The following NPAS3 variants were observed in gnomAD, a reference collection of about 807,000 sequenced individuals.
The protein encoded by NPAS3 is neuronal PAS domain-containing protein 3.
Under a neutral mutation model 73.1 loss-of-function variants are expected in NPAS3, and 14 were observed. That is an observed-to-expected ratio of 0.19 (90% CI 0.13 to 0.30). The LOEUF (loss-of-function observed/expected upper bound fraction) is 0.30, where lower values mean the gene tolerates loss of function less well. NPAS3 is among the 10% of genes least tolerant of loss of function. The pLI, the probability that NPAS3 is intolerant of heterozygous loss-of-function variation, is 1.00. For missense variants in NPAS3, 1,096 were observed against 1,250.0 expected, an observed-to-expected ratio of 0.88 and a Z score of 1.86; for synonymous variants, 620 against 541.5, an observed-to-expected ratio of 1.14 and a Z score of -2.01.
intron 3 of NPAS3, among the ~76,000 whole-genome samples, chr14:33,289,442 A>G (rs373386561): frequency 6.6e-5 from 10 of 152,154 alleles, no homozygotes; most frequent in African/African-American, 2.4e-4. Flanking sequence ...TGGCTTTAGT[A>G]ATCTATCCTT....
At chr14:33,024,323 C>G (rs1349014843) in intron 1 of NPAS3, among the ~76,000 whole-genome samples, 1 of 151,978 alleles carries the variant, frequency 6.6e-6, no homozygotes, top group African/African-American at 2.4e-5. Context: ...AGGCGCCCAC[C>G]ACCACACCCG....
chr14:33,113,150 G>T (rs1190005990), intron 2 of NPAS3, among the ~76,000 whole-genome samples: 11 of 152,080 alleles, frequency 7.2e-5, no homozygotes, highest in African/African-American at 2.7e-4. Flanking sequence ...GGCAATGCAG[G>T]CTCTTTTTTG....
intron 2 of NPAS3, among the ~76,000 whole-genome samples, chr14:33,107,281 A>C (rs545863605): frequency 6.6e-6 from 1 of 152,232 alleles, no homozygotes; most frequent in East Asian, 1.9e-4. Context: ...CAGGGAGTAC[A>C]TGTGCAAGTT....
At chr14:33,199,246 G>A (rs571839814) in intron 2 of NPAS3, among the ~76,000 whole-genome samples, 2 of 152,340 alleles carry the variant, frequency 1.3e-5, no homozygotes, top group African/African-American at 2.4e-5. Flanking sequence ...CGCCCAGGCC[G>A]AGGAGGCACT....
At chr14:33,290,668 A>T (rs2042062957) in intron 3 of NPAS3, among the ~76,000 whole-genome samples, 1 of 152,212 alleles carries the variant, frequency 6.6e-6, no homozygotes, top group Non-Finnish European at 1.5e-5. Flanking sequence ...TACCGTGCAC[A>T]CTAAAAAAGA....
chr14:33,172,212 G>T (rs1566637120), intron 2 of NPAS3, among the ~76,000 whole-genome samples: 1 of 152,196 alleles, frequency 6.6e-6, no homozygotes, highest in Non-Finnish European at 1.5e-5. Flanking sequence ...CTGTTGGAAA[G>T]ATGGCACCGA....
chr14:32,975,691 G>A (rs1321878067), intron 1 of NPAS3, among the ~76,000 whole-genome samples: 1 of 152,006 alleles, frequency 6.6e-6, no homozygotes, highest in Non-Finnish European at 1.5e-5. Context: ...TTTAGTAGAG[G>A]AATATGAAGT....
rs369250073 is a variant in NPAS3 at position 33,670,009 on chromosome 14, A to C, written c.559-6202A>C. Among the ~76,000 whole-genome samples, 5 of 152,144 alleles carry C rather than the reference A, an allele frequency of 3.3e-5. No individual in the cohort carries two copies. The East Asian group carries it at 9.7e-4, about 29-fold the overall frequency. ...CAGCTCACTGCAACCTCGGCCTCCCAGGCTCCAGCGATTCTCCTGCCTCAG... is the reference window on the plus strand; with the variant it reads ...CAGCTCACTGCAACCTCGGCCTCCCCGGCTCCAGCGATTCTCCTGCCTCAG... On this transcript the variant is annotated intron_variant, in intron 5 of 11. Transcript: ENST00000356141.
At chr14:33,450,714 A>C (rs1159144973) in intron 4 of NPAS3, among the ~76,000 whole-genome samples, 1 of 152,112 alleles carries the variant, frequency 6.6e-6, no homozygotes, top group Non-Finnish European at 1.5e-5. Context: ...AATCTGTGTG[A>C]ATTGGAGAGA....
intron 3 of NPAS3, among the ~76,000 whole-genome samples, chr14:33,310,860 G>C (rs1049579541): frequency 1.3e-5 from 2 of 150,578 alleles, no homozygotes; most frequent in East Asian, 3.9e-4. Flanking sequence ...AACAACCTTA[G>C]TATTAAGACT....
At chr14:33,765,261 A>G (rs546022556) in intron 7 of NPAS3, among the ~76,000 whole-genome samples, 5 of 151,846 alleles carry the variant, frequency 3.3e-5, no homozygotes, top group Non-Finnish European at 5.9e-5. Context: ...TTTAAAAATA[A>G]TTTTTTATTT....
intron 4 of NPAS3, among the ~76,000 whole-genome samples, chr14:33,471,012 T>C (rs1381920293): frequency 6.6e-6 from 1 of 152,100 alleles, no homozygotes; most frequent in Non-Finnish European, 1.5e-5. Flanking sequence ...TTGAGCAGTT[T>C]CTCCCTTTGT....
At chr14:33,018,956 A>G (rs1489914306) in intron 1 of NPAS3, among the ~76,000 whole-genome samples, 2 of 152,140 alleles carry the variant, frequency 1.3e-5, no homozygotes, top group Admixed American at 6.5e-5. Flanking sequence ...AACCTTTCAC[A>G]TGAAAAGCTA....
chr14:33,080,901 C>A (rs756250834), intron 2 of NPAS3, among the ~76,000 whole-genome samples: 88 of 152,168 alleles, frequency 5.8e-4, no homozygotes, highest in Non-Finnish European at 1.0e-3. Flanking sequence ...GTTGTTCTTT[C>A]TTTTTCACTT....
chr14:33,434,717 A>G (rs910723321), intron 4 of NPAS3, among the ~76,000 whole-genome samples: 13 of 152,340 alleles, frequency 8.5e-5, no homozygotes, highest in African/African-American at 2.9e-4. Flanking sequence ...GTTAGCTTAT[A>G]TATGAGTTTT....
At chr14:33,065,571 C>T (rs1451098107) in intron 2 of NPAS3, among the ~76,000 whole-genome samples, 5 of 151,868 alleles carry the variant, frequency 3.3e-5, no homozygotes, top group East Asian at 3.9e-4. Flanking sequence ...CGTTGTGATT[C>T]GTATATCAAT....
chr14:33,328,101 C>T (rs1431610438), intron 3 of NPAS3, among the ~76,000 whole-genome samples: 4 of 152,014 alleles, frequency 2.6e-5, no homozygotes, highest in Admixed American at 1.3e-4. Flanking sequence ...GTGTAATGGG[C>T]ATAAAAAGCT....
chr14:33,043,006 G>T (rs530251463), intron 1 of NPAS3, among the ~76,000 whole-genome samples: 2 of 152,210 alleles, frequency 1.3e-5, no homozygotes, highest in East Asian at 3.9e-4. Context: ...TTATCTTGCT[G>T]CTGCTGCTTC....
At chr14:32,987,307 C>G (rs566729152) in intron 1 of NPAS3, among the ~76,000 whole-genome samples, 19 of 130,684 alleles carry the variant, frequency 1.5e-4, no homozygotes, top group African/African-American at 5.0e-4. Context: ...GCTCTGATTT[C>G]TTTTGCCTTT....
Sources: allele counts gnomAD v4.1 joint callset (sites outside exome capture counted in the v4.1 genomes callset), GRCh38; gene constraint gnomAD v4.1.1; transcripts MANE v1.5; gene names NCBI Gene and HGNC (gene_info 2026-07-23, HGNC 2026-07-21).